Variants in CMC1 observed in about 807,000 individuals in gnomAD.
CMC1 encodes COX assembly mitochondrial protein homolog.
A neutral mutation model predicts 14.1 loss-of-function variants in CMC1; 14 were observed. The observed-to-expected ratio is 0.99, with a 90% CI of 0.66 to 1.55. The LOEUF (loss-of-function observed/expected upper bound fraction) is 1.55, where lower values mean the gene tolerates loss of function less well. Among genes scored for constraint, CMC1 ranks in the 40% most tolerant of loss-of-function variants. CMC1 has a pLI of 0.00. For missense variants in CMC1, 127 were observed against 123.8 expected, an observed-to-expected ratio of 1.03 and a Z score of -0.12; for synonymous variants, 50 against 38.4, an observed-to-expected ratio of 1.30 and a Z score of -1.12.
chr3:28,251,208 A>C (rs2125430779), intron 1 of CMC1, among the ~76,000 whole-genome samples: 1 of 152,324 alleles, frequency 6.6e-6, no homozygotes, highest in South Asian at 2.1e-4. Context: ...ATGCTGTGTC[A>C]GAACATGGCA....
chr3:28,323,109 A>C lies in CMC1; in HGVS notation c.*3480A>C, dbSNP rs1703240278. On this transcript the variant is annotated 3_prime_UTR_variant, in exon 4 of 4. Transcript: ENST00000466830. Reference sequence around the variant, plus strand: ...AATAATAATTTTAAATCACTTTCTCAATAAATAGAATATTACATTTCAACA... The same window carrying C: ...AATAATAATTTTAAATCACTTTCTCCATAAATAGAATATTACATTTCAACA... 1 of 151,166 alleles carries C rather than the reference A, an allele frequency of 6.6e-6. No homozygotes were observed. The highest frequency in any genetic ancestry group is 2.4e-5 in the African/African-American group (1 of 41,306). The allele number at this position is 151,166 out of a possible 1,614,324, so 9.4% of individuals were successfully genotyped here.
At chr3:28,253,650 A>C in intron 1 of CMC1, 2 of 679,882 alleles carry the variant, frequency 2.9e-6, no homozygotes, top group Non-Finnish European at 4.4e-6. Flanking sequence ...AACAAAGAAG[A>C]GGGATCCAAA....
chr3:28,324,589 C>CT lies in CMC1; in HGVS notation c.*4961dup. The stretch of plus-strand genomic sequence containing the variant: ...CCAAGTTAGTGTGATCATTGAGGCA[C>CT]TGTGACTAGGAGATAAATGACAGAT... On this transcript the variant is annotated 3_prime_UTR_variant, in exon 4 of 4. Transcript: ENST00000466830. 1.4e-6 allele frequency: 1 copy of CT among 713,824 alleles called. No individual in the cohort carries two copies. The highest frequency in any genetic ancestry group is 2.0e-6 in the Non-Finnish European group (1 of 491,216). The allele number at this position is 713,824 out of a possible 1,614,324, so 44.2% of individuals were successfully genotyped here. A position where few individuals can be genotyped will look rare whatever the true frequency, so the allele number is the denominator to read the frequency against.
At chr3:28,270,939 T>TG (rs1168602805) in intron 2 of CMC1, among the ~76,000 whole-genome samples, 1 of 147,996 alleles carries the variant, frequency 6.8e-6, no homozygotes, top group African/African-American at 2.5e-5. Context: ...TTTTTTTTTT[T>TG]TTTGAGATGG....
Position 28,319,639 on chromosome 3 carries a change from C to T in CMC1, c.*10C>T, listed in dbSNP as rs369504676. On this transcript the variant is annotated 3_prime_UTR_variant, in exon 4 of 4. Coordinates refer to ENST00000466830, the MANE Select transcript of CMC1 (RefSeq NM_182523.2). Reference sequence around the variant, plus strand: ...TCCAACAAGCATGTAGGCAGATACTCAAATGACATTCAGGAACTCTAATAT... The same window carrying T: ...TCCAACAAGCATGTAGGCAGATACTTAAATGACATTCAGGAACTCTAATAT... 2.5e-6 allele frequency: 4 copies of T among 1,589,518 alleles called. No homozygotes were observed. The highest frequency in any genetic ancestry group is 8.5e-7 in the Non-Finnish European group (1 of 1,171,038).
At chr3:28,288,131 C>G (rs1701287275) in intron 2 of CMC1, among the ~76,000 whole-genome samples, 1 of 151,898 alleles carries the variant, frequency 6.6e-6, no homozygotes, top group Non-Finnish European at 1.5e-5. Flanking sequence ...ATATATGAAT[C>G]TTCTTCAACG....
rs1703293414 is a variant in CMC1 at position 28,324,200 on chromosome 3, T to G, written c.*4571T>G. The G allele has an allele frequency of 6.2e-7, 1 of 1,610,688 alleles. No homozygotes were observed. Among genetic ancestry groups the G allele is most frequent in the South Asian group, 1.1e-5 (1 of 91,006 alleles). On this transcript the variant is annotated 3_prime_UTR_variant, in exon 4 of 4. Transcript: ENST00000466830. ...CAGGAATTGTCTTCCAGAGAATTTC[T>G]GCCATAAGAACTGTGTTCCTGAAAG...
chr3:28,283,566 AAG>A (rs1559422400), intron 2 of CMC1, among the ~76,000 whole-genome samples: 10 of 133,914 alleles, frequency 7.5e-5, no homozygotes, highest in Non-Finnish European at 1.4e-4. Context: ...AAAAAAAAAA[AAG>A]AAAAGAAGAA....
chr3:28,321,457 T>C lies in CMC1; in HGVS notation c.*1828T>C, dbSNP rs1258974782. The C allele has an allele frequency of 6.6e-6, 1 of 151,378 alleles. No homozygotes were observed. Among genetic ancestry groups the C allele is most frequent in the African/African-American group, 2.4e-5 (1 of 41,346 alleles). 9.4% of individuals were successfully genotyped at this position (151,378 alleles called of 1,614,324 possible). On this transcript the variant is annotated 3_prime_UTR_variant, in exon 4 of 4. Transcript: ENST00000466830. ...GTATAAATAATATGTTCATCCTCCTTATGTCAAAGACTAAACCATTCATTG... is the reference window on the plus strand; with the variant it reads ...GTATAAATAATATGTTCATCCTCCTCATGTCAAAGACTAAACCATTCATTG...
chr3:28,290,074 C>T (rs1701390280), intron 2 of CMC1, among the ~76,000 whole-genome samples: 1 of 152,074 alleles, frequency 6.6e-6, no homozygotes, highest in African/African-American at 2.4e-5. Flanking sequence ...TAATTTTGAA[C>T]AGTATTGAGT....
intron 2 of CMC1, among the ~76,000 whole-genome samples, chr3:28,267,194 T>C (rs1197041061): frequency 6.6e-6 from 1 of 152,220 alleles, no homozygotes; most frequent in Non-Finnish European, 1.5e-5. Context: ...TTGTTTGCCG[T>C]ATATAGGTAA....
At chr3:28,305,818 G>T (rs1702278984) in intron 2 of CMC1, among the ~76,000 whole-genome samples, 3 of 94,966 alleles carry the variant, frequency 3.2e-5, no homozygotes, top group African/African-American at 9.9e-5. Flanking sequence ...TTTAGTTTGA[G>T]GTCTTACGTT....
At chr3:28,284,969 C>T (rs1329573387) in intron 2 of CMC1, among the ~76,000 whole-genome samples, 1 of 152,178 alleles carries the variant, frequency 6.6e-6, no homozygotes, top group Admixed American at 6.5e-5. Context: ...TGCACACAAA[C>T]TTCACCTTCT....
chr3:28,272,676 G>A (rs921590951), intron 2 of CMC1, among the ~76,000 whole-genome samples: 2 of 151,726 alleles, frequency 1.3e-5, no homozygotes, highest in Non-Finnish European at 2.9e-5. Context: ...TTGTCTTGAA[G>A]TTTTCTTTTT....
chr3:28,261,365 T>C, intron 1 of CMC1, among the ~76,000 whole-genome samples: 1 of 152,304 alleles, frequency 6.6e-6, no homozygotes, highest in South Asian at 2.1e-4. Context: ...CAGTATAGTG[T>C]AGCATGAACG....
chr3:28,259,522 T>C (rs966958251), intron 1 of CMC1, among the ~76,000 whole-genome samples: 2 of 152,200 alleles, frequency 1.3e-5, no homozygotes, highest in African/African-American at 4.8e-5. Context: ...TGGTATAATA[T>C]TGTTGATTCA....
At chr3:28,272,836 C>A (rs748996905) in intron 2 of CMC1, among the ~76,000 whole-genome samples, 1 of 152,102 alleles carries the variant, frequency 6.6e-6, no homozygotes, top group Non-Finnish European at 1.5e-5. Context: ...AGGTGCCCAC[C>A]ACCACGCCTG....
chr3:28,314,234 G>A (rs148121764), intron 2 of CMC1, among the ~76,000 whole-genome samples: 299 of 152,270 alleles, frequency 2.0e-3, no homozygotes, highest in African/African-American at 6.7e-3. Flanking sequence ...AAAAATTAAC[G>A]TATAGGAATA....
intron 1 of CMC1, among the ~76,000 whole-genome samples, chr3:28,250,620 A>C (rs925076413): frequency 6.6e-6 from 1 of 152,146 alleles, no homozygotes; most frequent in Non-Finnish European, 1.5e-5. Flanking sequence ...TTTTCAGGTA[A>C]GAAGGGTAAC....
Sources: gnomAD v4.1 joint callset for allele counts (sites outside exome capture counted in the v4.1 genomes callset) on GRCh38, gnomAD v4.1.1 for gene constraint, MANE v1.5 for transcripts, NCBI Gene and HGNC (gene_info 2026-07-23, HGNC 2026-07-21) for gene names.